INTS9: variants seen among roughly 807,000 people sequenced by gnomAD.
The protein encoded by INTS9 is protein related to CPSF subunits of 74 kDa.
INTS9 carries 55 observed loss-of-function variants against 79.7 expected under a neutral mutation model. That is an observed-to-expected ratio of 0.69 (90% CI 0.56 to 0.86). The LOEUF is 0.86. INTS9 is among the 40% of genes least tolerant of loss of function. The probability of loss-of-function intolerance (pLI) is 0.00; values close to 1 mark genes in which losing one functional copy is unlikely to be tolerated. For synonymous variants in INTS9, 319 were observed against 325.2 expected, an observed-to-expected ratio of 0.98 and a Z score of 0.20; for missense variants, 721 against 831.5, an observed-to-expected ratio of 0.87 and a Z score of 1.64.
chr8:28,770,054 A>G, intron 15 of INTS9, 28 bp from the exon 16 acceptor site: 2 of 1,610,112 alleles, frequency 1.2e-6, no homozygotes, highest in South Asian at 2.2e-5. Context: ...AGTGGCTTTC[A>G]TGAGCTTCCT....
intron 6 of INTS9, among the ~76,000 whole-genome samples, chr8:28,826,189 G>A (rs187008478): frequency 6.6e-6 from 1 of 152,236 alleles, no homozygotes; most frequent in Non-Finnish European, 1.5e-5. Context: ...AGAGTAATGT[G>A]TATCTTTTTT....
chr8:28,884,168 CTTTTTTTT>C (rs35799882), intron 1 of INTS9, among the ~76,000 whole-genome samples: 129 of 46,970 alleles, frequency 2.7e-3, no homozygotes, highest in South Asian at 0.025. Flanking sequence ...ATCAGTGTAT[CTTTTTTTT>C]TTTTTTTTTT....
chr8:28,827,944 A>C (rs1806247763), intron 6 of INTS9, among the ~76,000 whole-genome samples: 1 of 152,138 alleles, frequency 6.6e-6, no homozygotes, highest in Non-Finnish European at 1.5e-5. Context: ...TTGTCACTCA[A>C]CATCCTGGGA....
Position 28,780,932 on chromosome 8 carries a change from A to G in INTS9, c.1161T>C (p.Phe387=), listed in dbSNP as rs759675081. ...PSIHGDFSND[F]RQPCVVFTGH... ...CGGTGAACACCACACAGGGCTGTCT[A>G]AAGTCGTTGCTGAAGTCTCCGTGGA... is the stretch of plus-strand genomic sequence containing the variant. The change falls in exon 12 of 17, where the codon TTT becomes TTC. Residue 387 remains phenylalanine, a synonymous_variant. Transcript: ENST00000521022. 3.1e-5 allele frequency: 50 copies of G among 1,614,044 alleles called. No individual in the cohort carries two copies. The highest frequency in any genetic ancestry group is 4.1e-5 in the Non-Finnish European group (48 of 1,179,998).
chr8:28,845,282 C>G (rs1113990), intron 4 of INTS9, among the ~76,000 whole-genome samples: 80,250 of 152,020 alleles, frequency 0.53, 23,005 homozygotes, highest in Non-Finnish European at 0.65. Flanking sequence ...GGCTCACCCA[C>G]AAGTCAGTGA....
intron 6 of INTS9, among the ~76,000 whole-genome samples, chr8:28,826,734 C>T (rs564017143): frequency 6.6e-6 from 1 of 152,286 alleles, no homozygotes; most frequent in South Asian, 2.1e-4. Context: ...TCATTCAAAC[C>T]CTACTCAATC....
rs1200614685 is a variant in INTS9, at chr8:28,769,980, C to G, written c.1709G>C (p.Arg570Pro). The G allele has an allele frequency of 6.2e-7, 1 of 1,614,192 alleles. No individual in the cohort carries two copies. Among genetic ancestry groups the G allele is most frequent in the Non-Finnish European group, 8.5e-7 (1 of 1,180,032 alleles). ...AQPTSGKKRK[R>P]VSDDVPDCKV... ...GCAGTCTGGTACGTCATCGCTCACC[C>G]GCTTTCTCTTCTTCCCGCTCGTGGG... The change falls in exon 16 of 17, where the codon CGG becomes CCG. Residue 570 changes from arginine to proline, a missense_variant. This residue lies in a region of INTS9 where 281 missense variants were observed against 300.8 expected (regional missense o/e 0.93). Coordinates refer to ENST00000521022, the MANE Select transcript of INTS9 (RefSeq NM_018250.4).
At chr8:28,788,212 T>C (rs991604423) in intron 10 of INTS9, among the ~76,000 whole-genome samples, 4 of 152,196 alleles carry the variant, frequency 2.6e-5, no homozygotes, top group Admixed American at 2.6e-4. Flanking sequence ...TAACATCTGA[T>C]ATGACTGGCA....
chr8:28,874,755 C>T (rs913851702), intron 1 of INTS9, among the ~76,000 whole-genome samples: 30 of 152,134 alleles, frequency 2.0e-4, no homozygotes, highest in African/African-American at 7.0e-4. Flanking sequence ...TAGGTCTGCC[C>T]CTGCCCCACT....
chr8:28,886,295 T>G (rs1226363610), intron 1 of INTS9, among the ~76,000 whole-genome samples: 1 of 152,212 alleles, frequency 6.6e-6, no homozygotes, highest in African/African-American at 2.4e-5. Context: ...TCACCCAGGT[T>G]GTAATGCAGT....
chr8:28,813,317 G>A (rs1382187296), intron 7 of INTS9, among the ~76,000 whole-genome samples, 175 bp downstream of exon 7: 1 of 152,174 alleles, frequency 6.6e-6, no homozygotes, highest in African/African-American at 2.4e-5. Flanking sequence ...GGAGATGTGA[G>A]GGTGGGGAAA....
intron 5 of INTS9, among the ~76,000 whole-genome samples, chr8:28,837,100 TAG>T (rs1414674578): frequency 6.6e-6 from 1 of 152,170 alleles, no homozygotes; most frequent in Non-Finnish European, 1.5e-5. Flanking sequence ...AGAGGCTTCT[TAG>T]AGTCAAAGGA....
At chr8:28,830,926 G>A (rs942013121) in intron 6 of INTS9, among the ~76,000 whole-genome samples, 2 of 152,042 alleles carry the variant, frequency 1.3e-5, no homozygotes, top group Admixed American at 1.3e-4. Context: ...TCTGATTTTT[G>A]CCCACCAGGT....
intron 6 of INTS9, among the ~76,000 whole-genome samples, chr8:28,828,825 G>A (rs968657130): frequency 9.9e-5 from 15 of 152,010 alleles, no homozygotes; most frequent in African/African-American, 3.4e-4. Flanking sequence ...CAGCTCCCAC[G>A]TAGCTGGGAT....
At chr8:28,875,235 G>A (rs2131352360) in intron 1 of INTS9, among the ~76,000 whole-genome samples, 1 of 152,292 alleles carries the variant, frequency 6.6e-6, no homozygotes, top group South Asian at 2.1e-4. Context: ...ATAGGAGGAT[G>A]TCTTGGGGGA....
intron 11 of INTS9, among the ~76,000 whole-genome samples, chr8:28,782,320 G>T (rs1456622383): frequency 6.6e-6 from 1 of 152,196 alleles, no homozygotes; most frequent in African/African-American, 2.4e-5. Context: ...CAACACTCGT[G>T]AATCACCAAG....
intron 1 of INTS9, among the ~76,000 whole-genome samples, chr8:28,861,703 C>T (rs1808470724): frequency 6.6e-6 from 1 of 152,190 alleles, no homozygotes; most frequent in South Asian, 2.1e-4. Flanking sequence ...GGATAAGGTA[C>T]ACCAGAAAAC....
rs536429269 is a variant in INTS9 at position 28,774,486 on chromosome 8, C to T, written c.1563+1273G>A. On this transcript the variant is annotated intron_variant, in intron 14 of 16. Transcript: ENST00000521022. Reference sequence around the variant, plus strand: ...TGAAATCTAAACCAAGGCCGTCAATCCCAGCCCCTGTAAAATACCAGACAA... The same window carrying T: ...TGAAATCTAAACCAAGGCCGTCAATTCCAGCCCCTGTAAAATACCAGACAA... 6.3e-4 allele frequency among the ~76,000 whole-genome samples: 96 copies of T among 152,250 alleles called. 1 individual carries two copies. The highest frequency in any genetic ancestry group is 1.2e-4 in the Non-Finnish European group (8 of 68,018).
At chr8:28,813,391 G>A in intron 7 of INTS9, 101 bp downstream of exon 7, 4 of 1,190,026 alleles carry the variant, frequency 3.4e-6, no homozygotes, top group Admixed American at 3.8e-5. Flanking sequence ...CTCAGCAATG[G>A]AATGGCTTTA....
Sources: allele counts gnomAD v4.1 joint callset (sites outside exome capture counted in the v4.1 genomes callset), GRCh38; gene constraint gnomAD v4.1.1; regional missense constraint gnomAD v4.1.1; transcripts MANE v1.5; gene names NCBI Gene and HGNC (gene_info 2026-07-23, HGNC 2026-07-21).